EXT1: variants seen among roughly 807,000 people sequenced by gnomAD.
EXT1 encodes the protein exostosin glycosyltransferase 1.
Under a neutral mutation model 82.5 loss-of-function variants are expected in EXT1, and 20 were observed. The ratio of observed to expected loss-of-function variants is 0.24; its 90% CI spans 0.17 to 0.35. The LOEUF is 0.35. Among genes scored for constraint, EXT1 ranks in the 10% least tolerant of loss-of-function variants. The pLI is 1.00. For synonymous variants in EXT1, 348 were observed against 350.8 expected (o/e 0.99, Z 0.09); for missense variants, 757 against 936.5 (o/e 0.81, Z 2.50).
chr8:117,905,736 C>T (rs1359266169), intron 1 of EXT1, among the ~76,000 whole-genome samples: 1 of 151,282 alleles, frequency 6.6e-6, no homozygotes, highest in Non-Finnish European at 1.5e-5. Flanking sequence ...GGCGTGAACC[C>T]GGGAGGCGGA....
intron 1 of EXT1, among the ~76,000 whole-genome samples, chr8:117,877,482 T>C (rs1443788413): frequency 6.6e-6 from 1 of 152,176 alleles, no homozygotes; most frequent in Non-Finnish European, 1.5e-5. Flanking sequence ...CAAATCTGCA[T>C]TAAAACATTT....
At chr8:118,034,904 C>T (rs950991205) in intron 1 of EXT1, among the ~76,000 whole-genome samples, 1 of 152,026 alleles carries the variant, frequency 6.6e-6, no homozygotes, top group African/African-American at 2.4e-5. Flanking sequence ...TCAGTTACCA[C>T]CAGAAAAGCA....
chr8:117,958,298 A>G (rs1814629247), intron 1 of EXT1, among the ~76,000 whole-genome samples: 1 of 152,230 alleles, frequency 6.6e-6, no homozygotes, highest in South Asian at 2.1e-4. Flanking sequence ...TAGAAACAGA[A>G]TGTATGGATA....
At chr8:118,021,362 G>C (rs1401332998) in intron 1 of EXT1, among the ~76,000 whole-genome samples, 1 of 152,106 alleles carries the variant, frequency 6.6e-6, no homozygotes, top group Non-Finnish European at 1.5e-5. Flanking sequence ...TAACTCATTG[G>C]GTAGCTAGGT....
intron 1 of EXT1, among the ~76,000 whole-genome samples, chr8:117,918,296 TGTGA>T (rs1813792288): frequency 6.6e-6 from 1 of 152,218 alleles, no homozygotes; most frequent in Non-Finnish European, 1.5e-5. Context: ...TGCCAGGTCC[TGTGA>T]GTATCATTAG....
intron 1 of EXT1, among the ~76,000 whole-genome samples, chr8:117,869,360 C>G (rs1010625813): frequency 1.2e-4 from 18 of 152,182 alleles, no homozygotes; most frequent in African/African-American, 4.3e-4. Flanking sequence ...ACTGTAAGCT[C>G]AGCTTCAACT....
At chr8:117,889,491 CTCATGTGATT>C (rs1813205145) in intron 1 of EXT1, among the ~76,000 whole-genome samples, 1 of 152,090 alleles carries the variant, frequency 6.6e-6, no homozygotes, top group Admixed American at 6.5e-5. Context: ...AGAGTTATTT[CTCATGTGATT>C]TCATATCCTA....
At chr8:118,020,275 T>G (rs1816077303) in intron 1 of EXT1, among the ~76,000 whole-genome samples, 1 of 152,202 alleles carries the variant, frequency 6.6e-6, no homozygotes, top group Non-Finnish European at 1.5e-5. Flanking sequence ...CTAACACTAC[T>G]AAAGAGTCTA....
At chr8:117,871,101 T>G (rs1374489713) in intron 1 of EXT1, among the ~76,000 whole-genome samples, 1 of 152,218 alleles carries the variant, frequency 6.6e-6, no homozygotes, top group African/African-American at 2.4e-5. Flanking sequence ...TCCTATGCAT[T>G]GCCTGCATCT....
At chr8:117,848,885 C>T (rs1812408643) in intron 1 of EXT1, among the ~76,000 whole-genome samples, 1 of 152,144 alleles carries the variant, frequency 6.6e-6, no homozygotes, top group Non-Finnish European at 1.5e-5. Context: ...TTTCAAATGT[C>T]ACCCCCCCAG....
chr8:117,966,033 CATAT>C (rs146857316), intron 1 of EXT1, among the ~76,000 whole-genome samples: 145 of 152,050 alleles, frequency 9.5e-4, no homozygotes, highest in African/African-American at 3.3e-3. Context: ...CGCACATATA[CATAT>C]ATATACTCAC....
chr8:118,105,752 A>T (rs1817794316), intron 1 of EXT1, among the ~76,000 whole-genome samples: 1 of 152,214 alleles, frequency 6.6e-6, no homozygotes, highest in African/African-American at 2.4e-5. Flanking sequence ...AAAACCCGAG[A>T]ATCTCAATTC....
At chr8:118,090,489 T>A (rs1234248286) in intron 1 of EXT1, among the ~76,000 whole-genome samples, 1 of 151,552 alleles carries the variant, frequency 6.6e-6, no homozygotes, top group Non-Finnish European at 1.5e-5. Flanking sequence ...AAACCATGCA[T>A]GTCCCTGGCC....
intron 1 of EXT1, among the ~76,000 whole-genome samples, chr8:117,912,081 G>T (rs899946429): frequency 6.6e-6 from 1 of 151,946 alleles, no homozygotes; most frequent in African/African-American, 2.4e-5. Flanking sequence ...AGAAGAAGAA[G>T]AAAAAAAGAC....
chr8:117,841,854 C>T (rs969219684), intron 1 of EXT1, among the ~76,000 whole-genome samples: 15 of 152,172 alleles, frequency 9.9e-5, no homozygotes, highest in Non-Finnish European at 5.9e-5. Context: ...TGAAGTCCTG[C>T]CCCTCTGTAG....
intron 1 of EXT1, among the ~76,000 whole-genome samples, chr8:117,932,234 A>G (rs1445970980): frequency 1.3e-5 from 2 of 152,166 alleles, no homozygotes; most frequent in Non-Finnish European, 1.5e-5. Context: ...TTGAACAGAA[A>G]AGTTATTAGG....
chr8:118,030,059 G>T (rs1816279095), intron 1 of EXT1, among the ~76,000 whole-genome samples: 1 of 152,132 alleles, frequency 6.6e-6, no homozygotes, highest in South Asian at 2.1e-4. Flanking sequence ...CTCTCATGAA[G>T]GTTGCAAAAG....
intron 1 of EXT1, among the ~76,000 whole-genome samples, chr8:118,025,394 AAAAC>A (rs1816185161): frequency 6.6e-6 from 1 of 152,186 alleles, no homozygotes; most frequent in African/African-American, 2.4e-5. Flanking sequence ...AATAAAAACA[AAAAC>A]AAAACAAACC....
chr8:117,935,288 C>G (rs1227029149), intron 1 of EXT1, among the ~76,000 whole-genome samples: 1 of 151,466 alleles, frequency 6.6e-6, no homozygotes, highest in Non-Finnish European at 1.5e-5. Flanking sequence ...TTCCCAAACC[C>G]AAATCCAGAA....
Sources: gnomAD v4.1 joint callset for allele counts (sites outside exome capture counted in the v4.1 genomes callset) on GRCh38, gnomAD v4.1.1 for gene constraint, MANE v1.5 for transcripts, NCBI Gene and HGNC (gene_info 2026-07-23, HGNC 2026-07-21) for gene names.